Variants in ADGRG5 observed in about 807,000 individuals in gnomAD.
The protein encoded by ADGRG5 is adhesion G protein-coupled receptor G5, also known as G protein-coupled receptor 114.
Under a neutral mutation model 53.2 loss-of-function variants are expected in ADGRG5, and 37 were observed. The ratio of observed to expected loss-of-function variants is 0.70; its 90% CI spans 0.53 to 0.91. The LOEUF (loss-of-function observed/expected upper bound fraction) is 0.91. Ranked by LOEUF, ADGRG5 falls within the 40% of genes least tolerant of loss-of-function variation. The pLI is 0.00. For synonymous variants in ADGRG5, 277 were observed against 290.4 expected (o/e 0.95, Z 0.47); for missense variants, 614 against 675.8 (o/e 0.91, Z 1.01).
upstream of ADGRG5, among the ~76,000 whole-genome samples, chr16:57,540,952 G>A (rs1217209211): frequency 3.9e-5 from 6 of 152,046 alleles, no homozygotes; most frequent in Non-Finnish European, 4.4e-5. Context: ...CACCACACCC[G>A]GCTAATTTTT....
chr16:57,539,157 A>G (rs1388683734), upstream of ADGRG5, among the ~76,000 whole-genome samples: 2 of 152,228 alleles, frequency 1.3e-5, no homozygotes, highest in African/African-American at 4.8e-5. Context: ...AAAAGGAATG[A>G]GAGTCTGACA....
Position 57,576,072 on chromosome 16 carries a change from CA to C in ADGRG5, c.*535del, listed in dbSNP as rs543704482. 1.1e-3 allele frequency: 172 copies of C among 154,520 alleles called. 2 individuals are homozygous for C. The highest frequency in any genetic ancestry group is 5.1e-4 in the Admixed American group (8 of 15,834). The allele number at this position is 154,520 out of a possible 1,614,324, so 9.6% of individuals were successfully genotyped here. On this transcript the variant is annotated 3_prime_UTR_variant, in exon 12 of 12. Coordinates refer to ENST00000349457, the MANE Select transcript of ADGRG5 (RefSeq NM_001304376.3). ...GATCTCATTCAGGCTGCCCTGGAAG[CA>C]CCTGCTTGGCCCTGCCACCTTCCTC... is the stretch of plus-strand genomic sequence containing the variant.
At chr16:57,558,340 C>G (rs58639052) in intron 1 of ADGRG5, among the ~76,000 whole-genome samples, 5 of 152,192 alleles carry the variant, frequency 3.3e-5, no homozygotes, top group Non-Finnish European at 4.4e-5. Flanking sequence ...AGTGGTGGAC[C>G]GTCCCTACAT....
At chr16:57,552,316 T>C (rs1013927229) in intron 1 of ADGRG5, among the ~76,000 whole-genome samples, 2 of 152,254 alleles carry the variant, frequency 1.3e-5, no homozygotes, top group Non-Finnish European at 2.9e-5. Flanking sequence ...AACTCTTAGA[T>C]GGCATCCGCT....
intron 1 of ADGRG5, among the ~76,000 whole-genome samples, chr16:57,550,724 A>G (rs2032726245): frequency 6.6e-6 from 1 of 152,138 alleles, no homozygotes; most frequent in Non-Finnish European, 1.5e-5. Flanking sequence ...TTGGTTTCCC[A>G]GTGCATATAA....
chr16:57,558,857 T>C (rs1228557076), intron 1 of ADGRG5, among the ~76,000 whole-genome samples: 2 of 151,514 alleles, frequency 1.3e-5, no homozygotes, highest in African/African-American at 2.4e-5. Context: ...TTTTTGGTTT[T>C]CTTTTGAGAC....
chr16:57,553,537 C>T (rs1340289774), intron 1 of ADGRG5, among the ~76,000 whole-genome samples: 3 of 152,210 alleles, frequency 2.0e-5, no homozygotes, highest in African/African-American at 4.8e-5. Flanking sequence ...CTATTCATCT[C>T]TATATCTGTC....
chr16:57,530,859 C>T, the ADGRG5 span, among the ~76,000 whole-genome samples: 8 of 151,980 alleles, frequency 5.3e-5, no homozygotes, highest in Non-Finnish European at 1.0e-4. Context: ...CTGCTTGGCG[C>T]TCTGTCACCC....
At chr16:57,545,175 C>G (rs1008896045) in intron 1 of ADGRG5, among the ~76,000 whole-genome samples, 4 of 152,104 alleles carry the variant, frequency 2.6e-5, no homozygotes, top group Non-Finnish European at 2.9e-5. Flanking sequence ...AATAAGAACC[C>G]AGTCCTCTGT....
At chr16:57,541,420 C>A (rs2032488048), upstream of ADGRG5, among the ~76,000 whole-genome samples, 1 of 152,150 alleles carries the variant, frequency 6.6e-6, no homozygotes, top group Admixed American at 6.5e-5. Context: ...CCAAGGCTTG[C>A]CCAAGTCACC....
upstream of ADGRG5, among the ~76,000 whole-genome samples, chr16:57,538,672 G>C (rs117997549): frequency 6.6e-6 from 1 of 152,156 alleles, no homozygotes; most frequent in East Asian, 1.9e-4. Context: ...CAGTGGTCTC[G>C]GCAGGGTTTC....
the ADGRG5 span, among the ~76,000 whole-genome samples, chr16:57,533,536 TCACA>T: frequency 2.2e-5 from 3 of 136,534 alleles, no homozygotes; most frequent in Non-Finnish European, 4.7e-5. Flanking sequence ...ATGCACACAC[TCACA>T]CACACACCCC....
the ADGRG5 span, among the ~76,000 whole-genome samples, chr16:57,530,768 A>C: frequency 0.041 from 6,238 of 151,530 alleles, 420 homozygotes; most frequent in African/African-American, 0.14. Flanking sequence ...GTCTCCTGAC[A>C]CCTTCTTCTC....
At chr16:57,575,130 AGG>A (rs1321117120) in intron 11 of ADGRG5, 38 bp downstream of exon 11, 1 of 1,585,974 alleles carries the variant, frequency 6.3e-7, no homozygotes, top group Non-Finnish European at 8.6e-7. Context: ...GCTACCTGGC[AGG>A]GGGTGTATGG....
At chr16:57,529,159 G>T in the ADGRG5 span, 2 of 1,184,654 alleles carry the variant, frequency 1.7e-6, no homozygotes, top group East Asian at 3.7e-5. This position sits in a 1 kb window ranked among gnomAD's most constrained non-coding sequence, Gnocchi z 4.1. Context: ...GCCAGCCGGG[G>T]GCTGGGCCCG....
chr16:57,564,682 G>T (rs1310111271), intron 5 of ADGRG5, among the ~76,000 whole-genome samples: 1 of 152,156 alleles, frequency 6.6e-6, no homozygotes, highest in East Asian at 1.9e-4. Flanking sequence ...GGGTGGGGTT[G>T]GGGCTCTTCC....
At chr16:57,537,380 A>AT in the ADGRG5 span, among the ~76,000 whole-genome samples, 1 of 152,178 alleles carries the variant, frequency 6.6e-6, no homozygotes, top group South Asian at 2.1e-4. Flanking sequence ...CCTGATTGGG[A>AT]TTTTACCTAG....
chr16:57,534,167 C>A, the ADGRG5 span, among the ~76,000 whole-genome samples: 2 of 152,226 alleles, frequency 1.3e-5, no homozygotes, highest in East Asian at 1.9e-4. Context: ...ACCCCACCCC[C>A]ACCTGGGGAC....
chr16:57,529,347 T>C, the ADGRG5 span: 19 of 930,858 alleles, frequency 2.0e-5, no homozygotes, highest in Non-Finnish European at 2.3e-5. This position sits in a 1 kb window ranked among gnomAD's most constrained non-coding sequence, Gnocchi z 4.1. Flanking sequence ...ACAACCGTTA[T>C]TGGACTGCGA....
Sources: gnomAD v4.1 joint callset for allele counts (sites outside exome capture counted in the v4.1 genomes callset) on GRCh38, gnomAD v4.1.1 for gene constraint, Gnocchi (gnomAD v3.1) non-coding constraint, MANE v1.5 for transcripts, NCBI Gene and HGNC (gene_info 2026-07-23, HGNC 2026-07-21) for gene names.